The following LRRC4C variants were observed in gnomAD, a reference collection of about 807,000 sequenced individuals.
LRRC4C encodes leucine rich repeat containing 4C.
LRRC4C carries 5 observed loss-of-function variants against 33.6 expected under a neutral mutation model. The observed-to-expected ratio is 0.15, with a 90% CI of 0.08 to 0.31. The LOEUF is 0.31. Among genes scored for constraint, LRRC4C ranks in the 10% least tolerant of loss-of-function variants. LRRC4C has a pLI of 1.00. For missense variants in LRRC4C, 560 were observed against 796.7 expected, an observed-to-expected ratio of 0.70 and a Z score of 3.58; for synonymous variants, 329 against 302.0, an observed-to-expected ratio of 1.09 and a Z score of -0.93.
intron 2 of LRRC4C, among the ~76,000 whole-genome samples, chr11:40,901,124 G>A (rs888281817): frequency 3.3e-5 from 5 of 151,956 alleles, no homozygotes; most frequent in East Asian, 1.9e-4. Context: ...ATTGAAATAC[G>A]GTACACATTT....
chr11:40,901,997 TCTACACACACACACACAC>T (rs1565184594), intron 2 of LRRC4C, among the ~76,000 whole-genome samples: 4 of 136,216 alleles, frequency 2.9e-5, no homozygotes, highest in Admixed American at 7.4e-5. Context: ...TCTCTCTCTC[TCTACACACACACACACAC>T]ACACACACAC....
At chr11:40,716,153 G>A (rs985918113) in intron 2 of LRRC4C, among the ~76,000 whole-genome samples, 2 of 151,856 alleles carry the variant, frequency 1.3e-5, no homozygotes, top group Non-Finnish European at 2.9e-5. Context: ...TCAAATATAT[G>A]CAGTAATACC....
chr11:40,706,959 T>C (rs1004503559), intron 2 of LRRC4C, among the ~76,000 whole-genome samples: 1 of 152,186 alleles, frequency 6.6e-6, no homozygotes, highest in East Asian at 1.9e-4. Context: ...AGGTATTTTA[T>C]TCTCTTTGTA....
At chr11:40,462,254 G>T (rs974525426) in intron 3 of LRRC4C, among the ~76,000 whole-genome samples, 3 of 152,070 alleles carry the variant, frequency 2.0e-5, no homozygotes, top group South Asian at 2.1e-4. Flanking sequence ...ACTTTGTATA[G>T]AAACAACTAC....
chr11:40,262,934 A>C (rs2136275455), intron 4 of LRRC4C, among the ~76,000 whole-genome samples: 1 of 152,064 alleles, frequency 6.6e-6, no homozygotes, highest in South Asian at 2.1e-4. Context: ...TACCTATGTA[A>C]CAAACCTGCA....
intron 1 of LRRC4C, among the ~76,000 whole-genome samples, chr11:41,008,094 C>A (rs910265282): frequency 3.3e-5 from 5 of 152,010 alleles, no homozygotes; most frequent in African/African-American, 1.2e-4. Flanking sequence ...CAAAACATAC[C>A]TAAGAGTAGC....
At chr11:40,196,543 A>T (rs752950932) in intron 5 of LRRC4C, among the ~76,000 whole-genome samples, 3 of 152,206 alleles carry the variant, frequency 2.0e-5, no homozygotes, top group Admixed American at 2.0e-4. Context: ...TCTCCTACAT[A>T]CAACACACAT....
intron 1 of LRRC4C, among the ~76,000 whole-genome samples, chr11:41,418,257 T>C (rs138848372): frequency 9.8e-4 from 149 of 152,044 alleles, no homozygotes; most frequent in African/African-American, 3.4e-3. Flanking sequence ...TATGAGAAAA[T>C]ATTCCACTGT....
chr11:40,828,063 C>T (rs1952241364), intron 2 of LRRC4C, among the ~76,000 whole-genome samples: 1 of 151,278 alleles, frequency 6.6e-6, no homozygotes, highest in African/African-American at 2.4e-5. Flanking sequence ...AACTATAAAA[C>T]AGTGCCTAAG....
Position 40,560,275 on chromosome 11 carries a change from T to C in LRRC4C, c.-270+87867A>G, listed in dbSNP as rs1228702729. ...TCAGTCCTACAAGATTTGTACAAGA[T>C]GCTGATGTACACAGCACCAGGCATT... On this transcript the variant is annotated intron_variant, in intron 3 of 6. Transcript: ENST00000528697. Among the ~76,000 whole-genome samples, 6 of 103,856 alleles carry C rather than the reference T, an allele frequency of 5.8e-5. No individual in the cohort carries two copies. In the Admixed American group the frequency reaches 7.4e-4, roughly 13 times the overall value. 68.1% of individuals were successfully genotyped at this position (103,856 alleles called of 152,430 possible).
At chr11:41,200,940 A>C (rs541124352) in intron 1 of LRRC4C, among the ~76,000 whole-genome samples, 10 of 152,294 alleles carry the variant, frequency 6.6e-5, no homozygotes, top group Admixed American at 5.9e-4. Context: ...GATGAAGAAA[A>C]CCTAGTGGGA....
At chr11:41,340,056 A>G (rs1951578984) in intron 1 of LRRC4C, among the ~76,000 whole-genome samples, 1 of 152,186 alleles carries the variant, frequency 6.6e-6, no homozygotes, top group African/African-American at 2.4e-5. Flanking sequence ...GAGGAAGGTA[A>G]TTATTGTAGT....
At chr11:41,282,588 T>C (rs1475818936) in intron 1 of LRRC4C, among the ~76,000 whole-genome samples, 1 of 152,170 alleles carries the variant, frequency 6.6e-6, no homozygotes, top group Non-Finnish European at 1.5e-5. Context: ...AACAGGCATA[T>C]GGAAACTAAC....
intron 3 of LRRC4C, among the ~76,000 whole-genome samples, chr11:40,634,441 A>G (rs1963773515): frequency 6.6e-6 from 1 of 152,208 alleles, no homozygotes. Context: ...GTTTCCTCAA[A>G]TGATCTATGA....
rs1194665215 is a variant in LRRC4C at position 40,245,972 on chromosome 11, C to CCTTTTTTTTTTTTTTTTTTTTTTG, written c.-175-4375_-175-4374insCAAAAAAAAAAAAAAAAAAAAAAG. Among the ~76,000 whole-genome samples the CCTTTTTTTTTTTTTTTTTTTTTTG allele has an allele frequency of 1.5e-5, 2 of 132,116 alleles. 1 individual carries two copies. The allele number at this position is 132,116 out of a possible 152,430, so 86.7% of individuals were successfully genotyped here. A position where few individuals can be genotyped will look rare whatever the true frequency, so the allele number is the denominator to read the frequency against. On this transcript the variant is annotated intron_variant, in intron 4 of 6. Transcript: ENST00000528697. ...ATGATACATATTGTTAAAGTCCTAA[C>CCTTTTTTTTTTTTTTTTTTTTTTG]TTTTTTTTTTTTTTTTTGAGATGGA...
intron 1 of LRRC4C, among the ~76,000 whole-genome samples, chr11:41,050,616 AT>A (rs1375891749): frequency 5.3e-5 from 8 of 152,306 alleles, no homozygotes; most frequent in African/African-American, 1.9e-4. Flanking sequence ...CACTAAGGAT[AT>A]CAACTCACTC....
chr11:40,261,301 A>G (rs1186172488), intron 4 of LRRC4C, among the ~76,000 whole-genome samples: 1 of 152,204 alleles, frequency 6.6e-6, no homozygotes, highest in Non-Finnish European at 1.5e-5. Context: ...AATGTTATTG[A>G]CAAATGAAAT....
At chr11:40,809,568 A>T (rs1330045033) in intron 2 of LRRC4C, among the ~76,000 whole-genome samples, 1 of 152,076 alleles carries the variant, frequency 6.6e-6, no homozygotes, top group Non-Finnish European at 1.5e-5. Flanking sequence ...TATTCTACTC[A>T]TTCATTTACT....
intron 3 of LRRC4C, among the ~76,000 whole-genome samples, chr11:40,481,701 C>A (rs1565432620): frequency 6.6e-6 from 1 of 152,098 alleles, no homozygotes; most frequent in East Asian, 1.9e-4. Context: ...ATAAATAAAG[C>A]AAGACTGATA....
Sources: allele counts gnomAD v4.1 joint callset (sites outside exome capture counted in the v4.1 genomes callset), GRCh38; gene constraint gnomAD v4.1.1; transcripts MANE v1.5; gene names NCBI Gene and HGNC (gene_info 2026-07-23, HGNC 2026-07-21).